PLXDC1: variants seen among roughly 807,000 people sequenced by gnomAD.
The protein encoded by PLXDC1 is plexin domain-containing protein 1.
A neutral mutation model predicts 61.3 loss-of-function variants in PLXDC1; 39 were observed. The observed-to-expected ratio is 0.64, with a 90% CI of 0.49 to 0.83. The LOEUF (loss-of-function observed/expected upper bound fraction) is 0.83, where lower values mean the gene tolerates loss of function less well. PLXDC1 is among the 40% of genes least tolerant of loss of function. The pLI is 0.00. For missense variants in PLXDC1, 596 were observed against 666.5 expected, an observed-to-expected ratio of 0.89 and a Z score of 1.17; for synonymous variants, 212 against 254.5, an observed-to-expected ratio of 0.83 and a Z score of 1.59.
At chr17:39,074,479 A>G (rs540025150) in intron 11 of PLXDC1, among the ~76,000 whole-genome samples, 2 of 152,334 alleles carry the variant, frequency 1.3e-5, no homozygotes, top group Admixed American at 6.5e-5. Flanking sequence ...TACACAAAAC[A>G]TGGAAATGAG....
At chr17:39,128,933 C>T (rs1415767886) in intron 2 of PLXDC1, among the ~76,000 whole-genome samples, 1 of 151,352 alleles carries the variant, frequency 6.6e-6, no homozygotes, top group Non-Finnish European at 1.5e-5. Flanking sequence ...TGGCTTGAAC[C>T]TGGTAGGTGG....
chr17:39,119,018 G>A (rs1911078147), intron 2 of PLXDC1, among the ~76,000 whole-genome samples: 1 of 152,208 alleles, frequency 6.6e-6, no homozygotes. Flanking sequence ...ATATACATTT[G>A]GCTTCAATAA....
At chr17:39,100,873 C>T (rs1444428460) in intron 7 of PLXDC1, among the ~76,000 whole-genome samples, 3 of 152,266 alleles carry the variant, frequency 2.0e-5, no homozygotes, top group African/African-American at 7.2e-5. Context: ...AAGGGGAGGG[C>T]AGGAGGGGTC....
chr17:39,124,131 T>A (rs751117387), intron 2 of PLXDC1, among the ~76,000 whole-genome samples: 1 of 152,156 alleles, frequency 6.6e-6, no homozygotes, highest in East Asian at 1.9e-4. Context: ...GGGAGCCCGT[T>A]AGAAATTCAG....
At chr17:39,143,267 C>A (rs539387075) in intron 1 of PLXDC1, among the ~76,000 whole-genome samples, 8 of 152,196 alleles carry the variant, frequency 5.3e-5, no homozygotes, top group African/African-American at 1.9e-4. Context: ...GAGAACAGAC[C>A]ATCAGATAGG....
chr17:39,109,514 A>G, intron 2 of PLXDC1, 123 bp from the exon 3 acceptor site: 1 of 1,212,918 alleles, frequency 8.2e-7, no homozygotes, highest in Non-Finnish European at 1.1e-6. Context: ...AGGGTGCTGG[A>G]CCTGTGGCCC....
intron 8 of PLXDC1, 146 bp downstream of exon 8, chr17:39,087,461 T>C: frequency 1.5e-6 from 1 of 648,428 alleles, no homozygotes; most frequent in African/African-American, 1.8e-5. Context: ...GGAGGTGGCA[T>C]CAGGCTCGGG....
At chr17:39,077,722 A>G (rs1909394973) in intron 11 of PLXDC1, among the ~76,000 whole-genome samples, 191 bp downstream of exon 11, 1 of 152,216 alleles carries the variant, frequency 6.6e-6, no homozygotes, top group African/African-American at 2.4e-5. Context: ...TTCAAGTTCT[A>G]AATCTGGCTC....
intron 7 of PLXDC1, among the ~76,000 whole-genome samples, chr17:39,102,705 T>TACACACACACACACACACACAC (rs553513409): frequency 9.5e-5 from 13 of 136,150 alleles, no homozygotes; most frequent in African/African-American, 3.4e-4. Context: ...TGCTATCAAA[T>TACACACACACACACACACACAC]ACACACACAC....
intron 2 of PLXDC1, among the ~76,000 whole-genome samples, chr17:39,138,846 A>G (rs891983031): frequency 2.0e-5 from 3 of 151,282 alleles, no homozygotes; most frequent in African/African-American, 7.3e-5. Context: ...CACCCTCATC[A>G]CTCCCAGCCG....
chr17:39,082,889 C>T (rs1272564336), intron 9 of PLXDC1, among the ~76,000 whole-genome samples: 1 of 152,198 alleles, frequency 6.6e-6, no homozygotes, highest in African/African-American at 2.4e-5. Context: ...ATTTTCTGAG[C>T]TTCTAAAAGC....
intron 7 of PLXDC1, among the ~76,000 whole-genome samples, chr17:39,095,623 GT>G (rs1910159496): frequency 6.6e-6 from 1 of 151,522 alleles, no homozygotes; most frequent in South Asian, 2.1e-4. Context: ...AAATGTTTTT[GT>G]TTTTTGTCTT....
At chr17:39,098,057 TAGTC>T (rs1910282484) in intron 7 of PLXDC1, among the ~76,000 whole-genome samples, 1 of 149,158 alleles carries the variant, frequency 6.7e-6, no homozygotes, top group African/African-American at 2.5e-5. Flanking sequence ...ATACAAAAAT[TAGTC>T]AGGCGTGGTG....
At chr17:39,152,227 C>T (rs1396481126), upstream of PLXDC1, among the ~76,000 whole-genome samples, 4 of 151,264 alleles carry the variant, frequency 2.6e-5, no homozygotes, top group East Asian at 3.9e-4. Flanking sequence ...GCCTAGCAGA[C>T]GTGAGGGTGG....
rs765774886 is a variant in PLXDC1 at position 39,086,859 on chromosome 17, CAAAAAAAA to C, written c.907+740_907+747del. 3.5e-4 allele frequency among the ~76,000 whole-genome samples: 25 copies of C among 71,522 alleles called. No individual in the cohort carries two copies. In the Admixed American group the frequency reaches 4.5e-3, roughly 13 times the overall value. The allele number at this position is 71,522 out of a possible 152,430, so 46.9% of individuals were successfully genotyped here. On this transcript the variant is annotated intron_variant, in intron 8 of 13. Coordinates refer to ENST00000315392, the MANE Select transcript of PLXDC1 (RefSeq NM_020405.5). ...CCTGGGCAACAGAGTGAGACTGTCT[CAAAAAAAA>C]AAAAAAAAAAAAAGAAGAAGAAAAA...
chr17:39,068,425 C>A (rs1454607339), intron 13 of PLXDC1, among the ~76,000 whole-genome samples: 3 of 152,180 alleles, frequency 2.0e-5, no homozygotes, highest in Non-Finnish European at 2.9e-5. Flanking sequence ...GCCTGTAATC[C>A]CAGCACTTTG....
intron 7 of PLXDC1, among the ~76,000 whole-genome samples, chr17:39,101,954 T>C (rs1459702793): frequency 1.3e-5 from 2 of 151,704 alleles, no homozygotes; most frequent in Non-Finnish European, 2.9e-5. Flanking sequence ...CAGGCAGATA[T>C]TGGGAAGAAA....
At chr17:39,151,790 A>G (rs2045375460), upstream of PLXDC1, 1 of 166,942 alleles carries the variant, frequency 6.0e-6, no homozygotes, top group Admixed American at 6.5e-5. This position sits in a 1 kb window ranked among gnomAD's most constrained non-coding sequence, Gnocchi z 5.2. Context: ...GCCGCTCCCA[A>G]GGCAAGGGGT....
intron 2 of PLXDC1, 33 bp downstream of exon 2, chr17:39,139,621 T>C (rs1429923475): frequency 7.6e-5 from 72 of 941,524 alleles, no homozygotes; most frequent in Middle Eastern, 3.7e-4. Context: ...CCACCCCCAC[T>C]TCGCTCCCCC....
Sources: gnomAD v4.1 joint callset for allele counts (sites outside exome capture counted in the v4.1 genomes callset) on GRCh38, gnomAD v4.1.1 for gene constraint, Gnocchi (gnomAD v3.1) non-coding constraint, MANE v1.5 for transcripts, NCBI Gene and HGNC (gene_info 2026-07-23, HGNC 2026-07-21) for gene names.